TANK: variants seen among roughly 807,000 people sequenced by gnomAD.
TANK encodes TRAF family member associated NFKB activator.
A neutral mutation model predicts 43.6 loss-of-function variants in TANK; 15 were observed. The observed-to-expected ratio is 0.34, with a 90% CI of 0.23 to 0.53. The LOEUF is 0.53. Ranked by LOEUF, TANK falls within the 20% of genes least tolerant of loss-of-function variation. The pLI, the probability that TANK is intolerant of heterozygous loss-of-function variation, is 0.94. For missense variants in TANK, 417 were observed against 498.6 expected (o/e 0.84, Z 1.56); for synonymous variants, 162 against 178.2 (o/e 0.91, Z 0.73).
intron 1 of TANK, among the ~76,000 whole-genome samples, chr2:161,165,787 C>T (rs1684651082): frequency 6.6e-6 from 1 of 152,160 alleles, no homozygotes; most frequent in African/African-American, 2.4e-5. Flanking sequence ...CAGATTCTAA[C>T]ATTGCCCCTA....
intron 4 of TANK, among the ~76,000 whole-genome samples, chr2:161,210,079 T>G (rs2105356346): frequency 6.6e-6 from 1 of 152,330 alleles, no homozygotes. Flanking sequence ...TTAAACAGTT[T>G]GCAGATTTCG....
At chr2:161,166,475 A>T (rs1684684980) in intron 1 of TANK, among the ~76,000 whole-genome samples, 1 of 152,182 alleles carries the variant, frequency 6.6e-6, no homozygotes, top group South Asian at 2.1e-4. Flanking sequence ...CACACTTAAT[A>T]TTTTTGAGTG....
At chr2:161,213,697 T>A (rs1324071022) in intron 4 of TANK, among the ~76,000 whole-genome samples, 1 of 150,930 alleles carries the variant, frequency 6.6e-6, no homozygotes, top group Non-Finnish European at 1.5e-5. Context: ...TGCTGTTATT[T>A]TTTTTTTTTT....
At chr2:161,226,479 G>A (rs1442173629) in intron 6 of TANK, among the ~76,000 whole-genome samples, 1 of 152,118 alleles carries the variant, frequency 6.6e-6, no homozygotes, top group Non-Finnish European at 1.5e-5. Context: ...TTGAAAAGAT[G>A]CCTATTCAGG....
At position 161,204,799 on chromosome 2, in the gene TANK, CA is replaced by C; in HGVS notation, c.327+7del. 3 of 1,604,942 alleles carry C rather than the reference CA, an allele frequency of 1.9e-6. No individual in the cohort carries two copies. The highest frequency in any genetic ancestry group is 2.5e-6 in the Non-Finnish European group (3 of 1,177,258). ...CAAGAGAAAAACTACCAAAGGTAGA[CA>C]TTGCTTCTGCAGAAAGCAGCATTTA... On this transcript the variant is annotated splice_region_variant and intron_variant, in intron 4 of 7. Coordinates refer to ENST00000392749, the MANE Select transcript of TANK (RefSeq NM_001199135.3).
intron 2 of TANK, among the ~76,000 whole-genome samples, chr2:161,199,407 T>C (rs1558991063): frequency 6.6e-6 from 1 of 152,026 alleles, no homozygotes; most frequent in African/African-American, 2.4e-5. Flanking sequence ...AAACTTTTTT[T>C]CCCCTATGTA....
chr2:161,150,863 T>C (rs879545565), intron 1 of TANK, among the ~76,000 whole-genome samples: 2 of 152,214 alleles, frequency 1.3e-5, no homozygotes, highest in East Asian at 1.9e-4. Context: ...AGTCCTGGGA[T>C]TACAGGCGTG....
intron 4 of TANK, among the ~76,000 whole-genome samples, chr2:161,221,084 G>A (rs542408213): frequency 2.0e-5 from 3 of 152,272 alleles, no homozygotes; most frequent in African/African-American, 7.2e-5. Context: ...AACTGTTTCA[G>A]ATGTGTTTAT....
At chr2:161,230,879 A>T (rs1687877141) in intron 6 of TANK, 92 bp from the exon 7 acceptor site, 12 of 1,027,664 alleles carry the variant, frequency 1.2e-5, no homozygotes, top group Non-Finnish European at 1.7e-5. Flanking sequence ...AACCAATAGA[A>T]AAAATAATAA....
intron 1 of TANK, among the ~76,000 whole-genome samples, chr2:161,144,426 C>T (rs897428807): frequency 2.6e-5 from 4 of 152,146 alleles, no homozygotes; most frequent in South Asian, 2.1e-4. Context: ...TTCTAGCTTT[C>T]TGATGTGGGC....
intron 2 of TANK, chr2:161,200,579 C>A (rs1686358283): frequency 2.1e-6 from 2 of 973,036 alleles, no homozygotes; most frequent in Non-Finnish European, 2.4e-6. Flanking sequence ...AAATTACTAC[C>A]TTTTTTCTAA....
At chr2:161,224,026 A>G (rs1369813054) in intron 5 of TANK, 35 bp downstream of exon 5, 2 of 1,308,862 alleles carry the variant, frequency 1.5e-6, no homozygotes, top group East Asian at 2.3e-5. Flanking sequence ...ACTCTTAAAA[A>G]TTATCAATAC....
chr2:161,198,850 A>C (rs1174694687), intron 2 of TANK, among the ~76,000 whole-genome samples: 1 of 152,214 alleles, frequency 6.6e-6, no homozygotes, highest in East Asian at 1.9e-4. Context: ...CTGATCTGTC[A>C]AATTGCAGAT....
At chr2:161,221,127 G>A (rs916184980) in intron 4 of TANK, among the ~76,000 whole-genome samples, 2 of 152,210 alleles carry the variant, frequency 1.3e-5, no homozygotes, top group South Asian at 2.1e-4. Flanking sequence ...CTTACCCAGC[G>A]ACATACTGGA....
At chr2:161,194,754 T>C (rs967364152) in intron 2 of TANK, among the ~76,000 whole-genome samples, 1 of 152,204 alleles carries the variant, frequency 6.6e-6, no homozygotes, top group Admixed American at 6.5e-5. Context: ...GCAAACGGCA[T>C]AAAATACCTT....
At chr2:161,161,761 C>T in intron 1 of TANK, 1 of 206,042 alleles carries the variant, frequency 4.9e-6, no homozygotes, top group East Asian at 1.0e-4. Flanking sequence ...CTTACTATGT[C>T]CTGTCCGTAT....
chr2:161,205,112 C>T (rs532718885), intron 4 of TANK: 6 of 451,726 alleles, frequency 1.3e-5, no homozygotes, highest in East Asian at 2.3e-4. Flanking sequence ...ATCACTTGAG[C>T]TCAGCAGTTT....
chr2:161,196,971 T>C (rs536628860), intron 2 of TANK, among the ~76,000 whole-genome samples: 1 of 152,316 alleles, frequency 6.6e-6, no homozygotes, highest in Non-Finnish European at 1.5e-5. Flanking sequence ...AATGTGTTGC[T>C]GAGTTGAAAA....
At chr2:161,137,166 T>C (rs1683611017) in intron 1 of TANK, 3 of 985,422 alleles carry the variant, frequency 3.0e-6, no homozygotes, top group African/African-American at 3.5e-5. Flanking sequence ...ACTCTTGCTA[T>C]GTGAGTAATT....
Sources: allele counts gnomAD v4.1 joint callset (sites outside exome capture counted in the v4.1 genomes callset), GRCh38; gene constraint gnomAD v4.1.1; transcripts MANE v1.5; gene names NCBI Gene and HGNC (gene_info 2026-07-23, HGNC 2026-07-21).